Variants in KIAA1217 observed in about 807,000 individuals in gnomAD.
KIAA1217 encodes KIAA1217, also known as sickle tail protein homolog.
Under a neutral mutation model 163.9 loss-of-function variants are expected in KIAA1217, and 88 were observed. That is an observed-to-expected ratio of 0.54 (90% confidence interval 0.45 to 0.64). The LOEUF is 0.64. Among genes scored for constraint, KIAA1217 ranks in the 30% least tolerant of loss-of-function variants. The probability of loss-of-function intolerance (pLI) is 0.00; values close to 1 mark genes in which losing one functional copy is unlikely to be tolerated. For synonymous variants in KIAA1217, 903 were observed against 923.1 expected (o/e 0.98, Z 0.39); for missense variants, 2,372 against 2,475.0 (o/e 0.96, Z 0.88).
At chr10:23,714,949 A>T (rs12249350) in intron 1 of KIAA1217, among the ~76,000 whole-genome samples, 3,021 of 152,234 alleles carry the variant, frequency 0.02, 112 homozygotes, top group African/African-American at 0.068. Flanking sequence ...CAGGACAATT[A>T]AAGTTGACCC....
At chr10:24,034,715 C>A (rs766449071) in intron 2 of KIAA1217, among the ~76,000 whole-genome samples, 1 of 152,180 alleles carries the variant, frequency 6.6e-6, no homozygotes, top group Non-Finnish European at 1.5e-5. Context: ...CACCTTACAC[C>A]TCAGGAGAAG....
At chr10:24,381,323 A>G (rs1025080559) in intron 3 of KIAA1217, among the ~76,000 whole-genome samples, 1 of 152,186 alleles carries the variant, frequency 6.6e-6, no homozygotes, top group Middle Eastern at 3.2e-3. Context: ...AGAGGCTAGT[A>G]GTATTTTACC....
intron 1 of KIAA1217, among the ~76,000 whole-genome samples, chr10:23,765,453 G>A (rs1374350863): frequency 6.6e-6 from 1 of 152,034 alleles, no homozygotes; most frequent in African/African-American, 2.4e-5. Context: ...GATTACAGGT[G>A]TGAGCCACCA....
intron 2 of KIAA1217, among the ~76,000 whole-genome samples, chr10:24,196,792 G>A (rs1337575020): frequency 6.6e-6 from 1 of 152,216 alleles, no homozygotes; most frequent in Non-Finnish European, 1.5e-5. Flanking sequence ...GCGGTGCGTA[G>A]AGACAGGGCC....
chr10:23,871,575 C>G (rs1025090775), intron 1 of KIAA1217, among the ~76,000 whole-genome samples: 16 of 151,988 alleles, frequency 1.1e-4, no homozygotes, highest in Non-Finnish European at 2.1e-4. Flanking sequence ...TCTCTGAATG[C>G]TGACTCTGTC....
intron 2 of KIAA1217, among the ~76,000 whole-genome samples, chr10:24,201,470 A>G (rs1202708432): frequency 6.6e-6 from 1 of 152,178 alleles, no homozygotes; most frequent in East Asian, 1.9e-4. Context: ...CATCTGGGAA[A>G]TGAAGAATGT....
At chr10:23,740,493 G>A (rs978048149) in intron 1 of KIAA1217, among the ~76,000 whole-genome samples, 1 of 151,966 alleles carries the variant, frequency 6.6e-6, no homozygotes, top group African/African-American at 2.4e-5. Context: ...CAACTAGCTG[G>A]GACTACAGAT....
chr10:23,927,088 T>C (rs1843052130), intron 1 of KIAA1217, among the ~76,000 whole-genome samples: 1 of 151,522 alleles, frequency 6.6e-6, no homozygotes. Flanking sequence ...TTGTATTTTT[T>C]GTAGAGACAG....
intron 1 of KIAA1217, among the ~76,000 whole-genome samples, chr10:23,911,198 G>A (rs1316353506): frequency 6.6e-6 from 1 of 152,154 alleles, no homozygotes. Flanking sequence ...TCCAAAGCCA[G>A]GATTCAAGTC....
At chr10:24,004,505 A>G (rs1051347716) in intron 1 of KIAA1217, among the ~76,000 whole-genome samples, 1 of 152,242 alleles carries the variant, frequency 6.6e-6, no homozygotes, top group Non-Finnish European at 1.5e-5. Context: ...ATTCTAATAT[A>G]CTTTTCAATT....
chr10:23,725,556 AAT>A (rs1838089892), intron 1 of KIAA1217, among the ~76,000 whole-genome samples: 3 of 152,208 alleles, frequency 2.0e-5, no homozygotes, highest in African/African-American at 7.2e-5. Flanking sequence ...GATCTATGAG[AAT>A]ATGACATAAT....
chr10:24,039,171 C>T (rs1848522258), intron 2 of KIAA1217, among the ~76,000 whole-genome samples: 1 of 152,098 alleles, frequency 6.6e-6, no homozygotes, highest in Non-Finnish European at 1.5e-5. Flanking sequence ...ATTCTATAGT[C>T]TCTCAGGTTT....
chr10:24,220,308 GTGAA>G (rs2069407299), intron 2 of KIAA1217, among the ~76,000 whole-genome samples: 1 of 152,216 alleles, frequency 6.6e-6, no homozygotes, highest in Admixed American at 6.5e-5. Context: ...GCTTAGCACT[GTGAA>G]TGAATGAAGT....
At chr10:23,944,584 C>T (rs1486189939) in intron 1 of KIAA1217, among the ~76,000 whole-genome samples, 2 of 152,080 alleles carry the variant, frequency 1.3e-5, no homozygotes, top group Non-Finnish European at 2.9e-5. Flanking sequence ...AAGTGGTCAA[C>T]ATCATTGGAT....
At position 24,500,184 on chromosome 10, in the gene KIAA1217, A is replaced by AGTGTGTGTGTGT. The variant is rs57872451; in HGVS notation, c.1835-1172_1835-1161dup. 2.5e-3 allele frequency among the ~76,000 whole-genome samples: 353 copies of AGTGTGTGTGTGT among 143,252 alleles called. 6 individuals are homozygous for AGTGTGTGTGTGT. The highest frequency in any genetic ancestry group is 0.011 in the Middle Eastern group (3 of 280). The allele number at this position is 143,252 out of a possible 152,430, so 94.0% of individuals were successfully genotyped here. On this transcript the variant is annotated intron_variant, in intron 8 of 20. Transcript: ENST00000376454. ...TTTACAGGAAAGAGAACTGAACAGA[A>AGTGTGTGTGTGT]GTGTGTGTGTGTGTGTGTGTGTGTG...
At chr10:23,845,254 T>C (rs1044890262) in intron 1 of KIAA1217, among the ~76,000 whole-genome samples, 5 of 152,348 alleles carry the variant, frequency 3.3e-5, no homozygotes, top group African/African-American at 1.2e-4. Flanking sequence ...ATATGCCCAG[T>C]AATGAGATTG....
intron 1 of KIAA1217, among the ~76,000 whole-genome samples, chr10:23,774,701 A>G (rs1834936014): frequency 6.6e-6 from 1 of 152,178 alleles, no homozygotes; most frequent in African/African-American, 2.4e-5. Context: ...CATGGAGGGA[A>G]ACCAGAGGTG....
intron 1 of KIAA1217, among the ~76,000 whole-genome samples, chr10:23,748,457 GAAGC>G (rs1217160461): frequency 5.5e-4 from 74 of 135,168 alleles, no homozygotes; most frequent in African/African-American, 2.1e-3. Context: ...AGGAAGGAAG[GAAGC>G]AAGGAAGGAA....
At chr10:23,962,849 A>G (rs1169256037) in intron 1 of KIAA1217, among the ~76,000 whole-genome samples, 2 of 152,230 alleles carry the variant, frequency 1.3e-5, no homozygotes, top group Admixed American at 1.3e-4. Flanking sequence ...GAACATGACC[A>G]GCTCCCCTTT....
Sources: allele counts gnomAD v4.1 joint callset (sites outside exome capture counted in the v4.1 genomes callset), GRCh38; gene constraint gnomAD v4.1.1; transcripts MANE v1.5; gene names NCBI Gene and HGNC (gene_info 2026-07-23, HGNC 2026-07-21).